The following CDYL variants were observed in gnomAD, a reference collection of about 807,000 sequenced individuals.
CDYL encodes the protein chromodomain Y-like protein.
In CDYL, 8 loss-of-function variants were observed where a neutral mutation model predicts 47.3. The ratio of observed to expected loss-of-function variants is 0.17; its 90% CI spans 0.10 to 0.31. CDYL has a LOEUF of 0.31. Among genes scored for constraint, CDYL ranks in the 10% least tolerant of loss-of-function variants. CDYL has a pLI of 1.00. For missense variants in CDYL, 471 were observed against 701.4 expected (o/e 0.67, Z 3.71); for synonymous variants, 266 against 265.0 (o/e 1.00, Z -0.04).
intron 4 of CDYL, among the ~76,000 whole-genome samples, chr6:4,938,654 A>G (rs562304635): frequency 6.6e-6 from 1 of 152,224 alleles, no homozygotes; most frequent in African/African-American, 2.4e-5. Flanking sequence ...TGTGGTCACC[A>G]TGATGTACAA....
intron 1 of CDYL, among the ~76,000 whole-genome samples, chr6:4,819,112 T>G (rs1759751809): frequency 1.2e-5 from 1 of 86,430 alleles, no homozygotes; most frequent in African/African-American, 4.0e-5. Context: ...TCTTTTTAGG[T>G]TCGTTCTCTC....
At chr6:4,846,944 A>G (rs960344935) in intron 1 of CDYL, among the ~76,000 whole-genome samples, 5 of 152,130 alleles carry the variant, frequency 3.3e-5, no homozygotes, top group Admixed American at 1.3e-4. Context: ...TTGGTCAGCA[A>G]AGTAGCCCCC....
chr6:4,826,438 G>A (rs1448198338), intron 1 of CDYL, among the ~76,000 whole-genome samples: 1 of 152,056 alleles, frequency 6.6e-6, no homozygotes, highest in African/African-American at 2.4e-5. Context: ...AAGGTGTAAA[G>A]TTAGGCTGCT....
At chr6:4,774,839 C>T (rs1758395392), upstream of CDYL, 1 of 152,290 alleles carries the variant, frequency 6.6e-6, no homozygotes, top group African/African-American at 2.4e-5. Flanking sequence ...CGATTTGGCC[C>T]TGGAAGTCAG....
chr6:4,891,691 A>AT (rs747676317), intron 1 of CDYL, 22 bp from the exon 2 acceptor site: 1,009 of 1,556,386 alleles, frequency 6.5e-4, no homozygotes, highest in Non-Finnish European at 8.0e-4. Flanking sequence ...TTTTAAAACT[A>AT]TTTTTTTCCT....
chr6:4,892,217 GT>G lies in CDYL; in HGVS notation c.530del (p.Val177GlyfsTer33). ...CGTCGAGCAGGGTCAGGAGGACACA[GT>G]GGCACCCGAAGTGGCAGCGGAAAAG... Reference protein sequence around the residue: ...DPVEQGQEDTVAPEVAAEKPV... With the variant: ...DPVEQGQEDTXAPEVAAEKPV... On this transcript the variant is annotated frameshift_variant, in exon 2 of 7. Coordinates refer to ENST00000397588, the MANE Select transcript of CDYL (RefSeq NM_004824.4). LOFTEE classifies it high-confidence loss of function. 1 of 1,614,258 alleles carries G rather than the reference GT, an allele frequency of 6.2e-7. No homozygotes were observed. The highest frequency in any genetic ancestry group is 8.5e-7 in the Non-Finnish European group (1 of 1,180,046).
intron 2 of CDYL, among the ~76,000 whole-genome samples, chr6:4,725,392 G>T (rs139970311): frequency 0.01 from 1,542 of 152,336 alleles, 21 homozygotes; most frequent in African/African-American, 0.033. Context: ...CGGCGCTCGT[G>T]GGGGAGGCTC....
intron 1 of CDYL, among the ~76,000 whole-genome samples, chr6:4,825,415 T>G (rs1284701076): frequency 1.3e-5 from 2 of 152,192 alleles, no homozygotes; most frequent in Non-Finnish European, 2.9e-5. Flanking sequence ...TTGTTTTTTG[T>G]CTAATTACTC....
At chr6:4,732,658 G>GT (rs35376295) in intron 2 of CDYL, among the ~76,000 whole-genome samples, 17,301 of 94,670 alleles carry the variant, frequency 0.18, 1,428 homozygotes, top group African/African-American at 0.31. Context: ...GAGAGATCCT[G>GT]TTTTTTAAAA....
intron 3 of CDYL, among the ~76,000 whole-genome samples, chr6:4,740,502 G>A (rs146175793): frequency 1.6e-4 from 25 of 152,266 alleles, no homozygotes; most frequent in East Asian, 3.9e-4. Flanking sequence ...CAATAGTGCC[G>A]AGGTTGAGAA....
chr6:4,910,507 A>G (rs1757379155), intron 2 of CDYL, among the ~76,000 whole-genome samples: 1 of 152,252 alleles, frequency 6.6e-6, no homozygotes, highest in African/African-American at 2.4e-5. Flanking sequence ...CCATGGGACC[A>G]TGTGACTGAT....
intron 2 of CDYL, among the ~76,000 whole-genome samples, chr6:4,723,624 G>C (rs926584236): frequency 4.6e-5 from 7 of 152,250 alleles, no homozygotes; most frequent in African/African-American, 1.7e-4. Flanking sequence ...CTACAGACTA[G>C]CACTGTGCCT....
At chr6:4,867,310 T>A (rs1355205428) in intron 1 of CDYL, among the ~76,000 whole-genome samples, 2 of 152,144 alleles carry the variant, frequency 1.3e-5, no homozygotes, top group African/African-American at 4.8e-5. Context: ...AAAGACAGTT[T>A]TACTTCTTTC....
intron 1 of CDYL, among the ~76,000 whole-genome samples, chr6:4,870,655 G>A (rs1381749312): frequency 1.3e-5 from 2 of 151,942 alleles, no homozygotes; most frequent in Non-Finnish European, 2.9e-5. Context: ...TGTCTGCACT[G>A]TTGCTGTTTC....
chr6:4,932,308 G>C lies in CDYL; in HGVS notation c.692-3207G>C, dbSNP rs928497143. The stretch of plus-strand genomic sequence containing the variant: ...AGGGTCTGCTGAGGGCTCACTTCCT[G>C]GTTCACAAATAGCACCTTTCTGCAG... On this transcript the variant is annotated intron_variant, in intron 2 of 6. Transcript: ENST00000397588. Among the ~76,000 whole-genome samples the C allele has an allele frequency of 2.0e-5, 3 of 152,196 alleles. No homozygotes were observed. The South Asian group carries it at 6.2e-4, about 32-fold the overall frequency.
chr6:4,743,759 A>G (rs1757838173), intron 3 of CDYL, among the ~76,000 whole-genome samples: 2 of 152,234 alleles, frequency 1.3e-5, no homozygotes, highest in African/African-American at 4.8e-5. Context: ...TAGTTGCATA[A>G]AACAGGAAAA....
At chr6:4,802,989 C>T (rs768131250) in intron 1 of CDYL, among the ~76,000 whole-genome samples, 4 of 152,092 alleles carry the variant, frequency 2.6e-5, no homozygotes, top group Non-Finnish European at 5.9e-5. Context: ...CTTTCCATTG[C>T]GTCCCCCACC....
intron 1 of CDYL, among the ~76,000 whole-genome samples, chr6:4,873,268 T>C (rs747041577): frequency 2.0e-5 from 3 of 152,206 alleles, no homozygotes; most frequent in Non-Finnish European, 4.4e-5. Flanking sequence ...AATAAGTGGC[T>C]TAACCTCTTA....
chr6:4,874,597 G>T (rs183473078), intron 1 of CDYL, among the ~76,000 whole-genome samples: 12 of 152,300 alleles, frequency 7.9e-5, no homozygotes, highest in Admixed American at 3.9e-4. Context: ...TATGGCTTAC[G>T]TACAGTATGT....
Sources: allele counts gnomAD v4.1 joint callset (sites outside exome capture counted in the v4.1 genomes callset), GRCh38; gene constraint gnomAD v4.1.1; transcripts MANE v1.5; gene names NCBI Gene and HGNC (gene_info 2026-07-23, HGNC 2026-07-21).